Variants in NRCAM observed in about 807,000 individuals in gnomAD.
The protein encoded by NRCAM is NgCAM-related cell adhesion molecule.
A neutral mutation model predicts 156.5 loss-of-function variants in NRCAM; 83 were observed. The observed-to-expected ratio is 0.53, with a 90% CI of 0.44 to 0.64. NRCAM has a LOEUF of 0.64. NRCAM is among the 30% of genes least tolerant of loss of function. NRCAM has a pLI of 0.00. For synonymous variants in NRCAM, 538 were observed against 563.9 expected (o/e 0.95, Z 0.65); for missense variants, 1,417 against 1,597.3 (o/e 0.89, Z 1.92).
At position 108,168,257 on chromosome 7, in the gene NRCAM, G is replaced by C. The variant is rs1230362584; in HGVS notation, c.3313+20C>G. 1 of 1,478,084 alleles carries C rather than the reference G, an allele frequency of 6.8e-7. No individual in the cohort carries two copies. Among genetic ancestry groups the C allele is most frequent in the Non-Finnish European group, 9.0e-7 (1 of 1,113,874 alleles). 91.6% of individuals were successfully genotyped at this position (1,478,084 alleles called of 1,614,324 possible). A position where few individuals can be genotyped will look rare whatever the true frequency, so the allele number is the denominator to read the frequency against. Reference sequence around the variant, plus strand: ...ATGCATCCCCCAAATTAAAAATCGGGTAATGAAATTGTTTCTTACTGCCTG... The same window carrying C: ...ATGCATCCCCCAAATTAAAAATCGGCTAATGAAATTGTTTCTTACTGCCTG... On this transcript the variant is annotated intron_variant, in intron 29 of 32. Transcript: ENST00000379028.
intron 2 of NRCAM, among the ~76,000 whole-genome samples, chr7:108,350,530 C>T (rs932095225): frequency 2.0e-5 from 3 of 152,196 alleles, no homozygotes. Context: ...AATATTGAGA[C>T]ACATTCTAAA....
chr7:108,301,121 G>C (rs2098602625), intron 3 of NRCAM, among the ~76,000 whole-genome samples: 1 of 152,076 alleles, frequency 6.6e-6, no homozygotes, highest in African/African-American at 2.4e-5. Flanking sequence ...AAATTGTAAT[G>C]AATTCTCTAA....
In NRCAM at chr7:108,436,176, G is replaced by T. The variant is rs570331816; in HGVS notation, c.-332+20067C>A. 5.9e-5 allele frequency among the ~76,000 whole-genome samples: 9 copies of T among 152,172 alleles called. No homozygotes were observed. In the South Asian group the frequency reaches 1.5e-3, roughly 25 times the overall value. The stretch of plus-strand genomic sequence containing the variant: ...AATAAAAAATAATTCGCTCACACAC[G>T]TATACCACCCTTCCTCTCTCCCAAC... On this transcript the variant is annotated intron_variant, in intron 1 of 32. Coordinates refer to ENST00000379028, the MANE Select transcript of NRCAM (RefSeq NM_001037132.4).
chr7:108,392,280 C>T (rs1489744548), intron 2 of NRCAM, among the ~76,000 whole-genome samples: 1 of 151,832 alleles, frequency 6.6e-6, no homozygotes, highest in Non-Finnish European at 1.5e-5. Flanking sequence ...TTTCTTTTTA[C>T]TTTTTTCTCT....
chr7:108,171,198 G>C (rs1435372763), intron 28 of NRCAM, among the ~76,000 whole-genome samples: 1 of 152,248 alleles, frequency 6.6e-6, no homozygotes, highest in East Asian at 1.9e-4. Flanking sequence ...GACTGCTTCC[G>C]GTGTGCCTCG....
chr7:108,177,874 C>CT, intron 26 of NRCAM, 116 bp downstream of exon 26: 1 of 850,134 alleles, frequency 1.2e-6, no homozygotes, highest in Non-Finnish European at 1.7e-6. Flanking sequence ...GATCTGATCA[C>CT]TATATGTATC....
chr7:108,156,046 A>G (rs953185152), intron 32 of NRCAM, among the ~76,000 whole-genome samples: 17 of 152,088 alleles, frequency 1.1e-4, no homozygotes, highest in Non-Finnish European at 2.2e-4. Context: ...CCATGGCCAA[A>G]CCACATTGCA....
At chr7:108,385,350 C>T (rs1448127977) in intron 2 of NRCAM, among the ~76,000 whole-genome samples, 2 of 152,122 alleles carry the variant, frequency 1.3e-5, no homozygotes, top group Admixed American at 1.3e-4. Flanking sequence ...GTAAGTGTAA[C>T]GGAGACGGGT....
At chr7:108,208,215 A>C (rs1179766698) in intron 12 of NRCAM, among the ~76,000 whole-genome samples, 1 of 151,850 alleles carries the variant, frequency 6.6e-6, no homozygotes, top group East Asian at 1.9e-4. Context: ...CTGAGGCAGG[A>C]GAATTGCTTG....
intron 32 of NRCAM, among the ~76,000 whole-genome samples, chr7:108,155,398 T>G (rs763435612): frequency 7.9e-5 from 12 of 152,020 alleles, no homozygotes; most frequent in Non-Finnish European, 1.6e-4. Flanking sequence ...AGTATACAAG[T>G]ATTGATACAA....
intron 11 of NRCAM, among the ~76,000 whole-genome samples, chr7:108,215,437 G>A (rs1303937960): frequency 3.3e-5 from 5 of 151,626 alleles, no homozygotes; most frequent in African/African-American, 7.3e-5. Flanking sequence ...GGATGGTCTC[G>A]ATCTCCTGAC....
chr7:108,203,803 G>T (rs551327828), intron 13 of NRCAM, among the ~76,000 whole-genome samples: 1 of 152,292 alleles, frequency 6.6e-6, no homozygotes, highest in Admixed American at 6.5e-5. Context: ...TGCCTCACCC[G>T]CAGCAGCTGG....
intron 5 of NRCAM, 93 bp from the exon 6 acceptor site, chr7:108,234,781 A>T: frequency 1.2e-6 from 1 of 861,422 alleles, no homozygotes; most frequent in Non-Finnish European, 2.0e-6. Flanking sequence ...CTTACCTTAG[A>T]CTAAATATGC....
chr7:108,152,658 C>T (rs1037316643), intron 32 of NRCAM, among the ~76,000 whole-genome samples: 1 of 152,142 alleles, frequency 6.6e-6, no homozygotes, highest in Non-Finnish European at 1.5e-5. Flanking sequence ...TAAAATTAGG[C>T]CACGCCCATT....
chr7:108,152,257 G>A (rs1170170402), intron 32 of NRCAM, among the ~76,000 whole-genome samples: 3 of 152,096 alleles, frequency 2.0e-5, no homozygotes, highest in African/African-American at 7.2e-5. Context: ...ACCTCATCAA[G>A]CAGTAATATC....
chr7:108,149,299 T>C lies in NRCAM; in HGVS notation c.*611A>G, dbSNP rs370569193. On this transcript the variant is annotated 3_prime_UTR_variant, in exon 33 of 33. Coordinates refer to ENST00000379028, the MANE Select transcript of NRCAM (RefSeq NM_001037132.4). Reference sequence around the variant, plus strand: ...CCTACGGAGTAACAGGAGCCAAGAGTAGGTAATAGTTCTCAGTAAGCATCA... The same window carrying C: ...CCTACGGAGTAACAGGAGCCAAGAGCAGGTAATAGTTCTCAGTAAGCATCA... The C allele has an allele frequency of 6.6e-6, 1 of 152,370 alleles. No individual in the cohort carries two copies. Among genetic ancestry groups the C allele is most frequent in the Non-Finnish European group, 1.5e-5 (1 of 68,052 alleles). The allele number at this position is 152,370 out of a possible 1,614,324, so 9.4% of individuals were successfully genotyped here. A position where few individuals can be genotyped will look rare whatever the true frequency, so the allele number is the denominator to read the frequency against.
At chr7:108,150,831 A>G in intron 32 of NRCAM, 1 of 435,194 alleles carries the variant, frequency 2.3e-6, no homozygotes. Context: ...TTAGTTAATG[A>G]GTAAAGATTT....
At position 108,168,271 on chromosome 7, in the gene NRCAM, TCTTA is replaced by T; in HGVS notation, c.3313+2_3313+5del. The T allele has an allele frequency of 6.7e-7, 1 of 1,500,094 alleles. No homozygotes were observed. The highest frequency in any genetic ancestry group is 8.9e-7 in the Non-Finnish European group (1 of 1,127,784). 92.9% of individuals were successfully genotyped at this position (1,500,094 alleles called of 1,614,324 possible). ...TTAAAAATCGGGTAATGAAATTGTT[TCTTA>T]CTGCCTGCTACACCATATTCAACAT... On this transcript the variant is annotated splice_donor_variant and splice_donor_5th_base_variant and intron_variant, in intron 29 of 32. Transcript: ENST00000379028. LOFTEE classifies it high-confidence loss of function.
At chr7:108,282,485 T>C (rs1171677613) in intron 3 of NRCAM, among the ~76,000 whole-genome samples, 1 of 152,246 alleles carries the variant, frequency 6.6e-6, no homozygotes, top group Non-Finnish European at 1.5e-5. Context: ...GTTAACATGC[T>C]TATTTTTCTA....
Sources: gnomAD v4.1 joint callset for allele counts (sites outside exome capture counted in the v4.1 genomes callset) on GRCh38, gnomAD v4.1.1 for gene constraint, MANE v1.5 for transcripts, NCBI Gene and HGNC (gene_info 2026-07-23, HGNC 2026-07-21) for gene names.